The following TBC1D22A variants were observed in gnomAD, a reference collection of about 807,000 sequenced individuals.
The protein encoded by TBC1D22A is TBC1 domain family member 22A, also known as putative GTPase activator.
A neutral mutation model predicts 60.2 loss-of-function variants in TBC1D22A; 38 were observed. The ratio of observed to expected loss-of-function variants is 0.63; its 90% CI spans 0.49 to 0.83. The LOEUF is 0.83. Among genes scored for constraint, TBC1D22A ranks in the 40% least tolerant of loss-of-function variants. TBC1D22A has a pLI of 0.00. For missense variants in TBC1D22A, 628 were observed against 701.0 expected, an observed-to-expected ratio of 0.90 and a Z score of 1.18; for synonymous variants, 302 against 281.7, an observed-to-expected ratio of 1.07 and a Z score of -0.72.
At chr22:46,771,737 G>C (rs2083487250) in intron 1 of TBC1D22A, among the ~76,000 whole-genome samples, 1 of 152,010 alleles carries the variant, frequency 6.6e-6, no homozygotes, top group Non-Finnish European at 1.5e-5. Context: ...TGGGATTATA[G>C]GCACATGCCA....
chr22:46,886,190 C>T (rs568305779), intron 5 of TBC1D22A, among the ~76,000 whole-genome samples: 15 of 152,270 alleles, frequency 9.9e-5, no homozygotes, highest in Non-Finnish European at 1.5e-4. Flanking sequence ...TGAGCCGCCG[C>T]GCCCGGCCAG....
chr22:46,911,958 T>G (rs1445228213), intron 7 of TBC1D22A, 116 bp from the exon 8 acceptor site: 4 of 683,564 alleles, frequency 5.9e-6, no homozygotes, highest in East Asian at 2.7e-5. Context: ...TATTTGTATC[T>G]TAATATTAGG....
chr22:47,135,858 G>A (rs2066848573), intron 12 of TBC1D22A, among the ~76,000 whole-genome samples: 8 of 152,324 alleles, frequency 5.3e-5, no homozygotes, highest in Admixed American at 5.2e-4. Flanking sequence ...CACACGTGGT[G>A]AGGTCACTGT....
intron 1 of TBC1D22A, among the ~76,000 whole-genome samples, chr22:46,785,751 G>A (rs1182475236): frequency 6.6e-6 from 1 of 152,178 alleles, no homozygotes; most frequent in Non-Finnish European, 1.5e-5. Context: ...ATATTTTCAA[G>A]ATTGATCTAC....
chr22:47,076,933 C>T (rs1003973929), intron 11 of TBC1D22A, among the ~76,000 whole-genome samples: 5 of 152,190 alleles, frequency 3.3e-5, no homozygotes, highest in Admixed American at 1.3e-4. Flanking sequence ...GAGTTCCAGC[C>T]GTCATGTCAG....
At position 47,145,169 on chromosome 22, in the gene TBC1D22A, T is replaced by G. The variant is rs558090622; in HGVS notation, c.1426-28329T>G. Among the ~76,000 whole-genome samples the G allele has an allele frequency of 2.0e-5, 3 of 152,318 alleles. No homozygotes were observed. The South Asian group carries it at 6.2e-4, about 32-fold the overall frequency. ...GTGAGGTGCCAGGAGGTGGATGACC[T>G]AGACCTAGCCCTGGATCCCCACCTG... On this transcript the variant is annotated intron_variant, in intron 12 of 12. Transcript: ENST00000337137.
At chr22:46,911,156 G>A (rs1327793920) in intron 7 of TBC1D22A, among the ~76,000 whole-genome samples, 2 of 152,108 alleles carry the variant, frequency 1.3e-5, no homozygotes, top group African/African-American at 2.4e-5. Context: ...TATGAGTGAA[G>A]ATGGGAGCGA....
chr22:47,173,136 G>A (rs1470519064), intron 12 of TBC1D22A, among the ~76,000 whole-genome samples: 1 of 152,242 alleles, frequency 6.6e-6, no homozygotes, highest in Non-Finnish European at 1.5e-5. Flanking sequence ...TCAGTTAAAT[G>A]AAGCTCTGGG....
chr22:46,778,901 G>A (rs974280612), intron 1 of TBC1D22A, among the ~76,000 whole-genome samples: 13 of 152,028 alleles, frequency 8.6e-5, no homozygotes, highest in African/African-American at 3.1e-4. Context: ...AAAATTAGCC[G>A]GGCGTGGTGG....
intron 4 of TBC1D22A, among the ~76,000 whole-genome samples, chr22:46,801,373 A>G (rs2084888617): frequency 6.6e-6 from 1 of 152,268 alleles, no homozygotes; most frequent in African/African-American, 2.4e-5. Context: ...CACTGATGTG[A>G]GAAGTGCCTA....
chr22:47,027,845 A>T (rs752474217), intron 10 of TBC1D22A, among the ~76,000 whole-genome samples: 1 of 152,238 alleles, frequency 6.6e-6, no homozygotes, highest in African/African-American at 2.4e-5. Flanking sequence ...GGGCTGCGAC[A>T]GAGCCTAGGG....
chr22:46,850,231 G>C (rs1022328902), intron 4 of TBC1D22A, among the ~76,000 whole-genome samples: 1 of 152,172 alleles, frequency 6.6e-6, no homozygotes, highest in African/African-American at 2.4e-5. Flanking sequence ...CAGGAGACAG[G>C]CTGCTGTGTG....
intron 9 of TBC1D22A, among the ~76,000 whole-genome samples, chr22:46,981,628 TCTC>T (rs1416396132): frequency 3.3e-5 from 5 of 152,170 alleles, no homozygotes; most frequent in African/African-American, 4.8e-5. Flanking sequence ...GCTCAGTACT[TCTC>T]CTCCCTGCTG....
chr22:46,873,222 T>C (rs565909709), intron 4 of TBC1D22A, among the ~76,000 whole-genome samples: 3 of 152,178 alleles, frequency 2.0e-5, no homozygotes, highest in Admixed American at 6.5e-5. Flanking sequence ...CAATAAAATA[T>C]GGGTAAAGGA....
intron 11 of TBC1D22A, among the ~76,000 whole-genome samples, chr22:47,046,456 C>T (rs375195749): frequency 3.3e-5 from 5 of 152,136 alleles, no homozygotes; most frequent in Admixed American, 6.5e-5. Context: ...GCTGGGGGAG[C>T]GCCCAGGGAC....
chr22:46,912,023 G>C lies in TBC1D22A; in HGVS notation c.901-51G>C, dbSNP rs16995963. The stretch of plus-strand genomic sequence containing the variant: ...AGTAATAGAATGCTTTCATTTTAAA[G>C]TTTCTGCCATGTTTACTTTTTGCTT... On this transcript the variant is annotated intron_variant, in intron 7 of 12. Transcript: ENST00000337137. The C allele has an allele frequency of 4.9e-4, 621 of 1,273,906 alleles. No individual in the cohort carries two copies. In the African/African-American group the frequency reaches 8.6e-3, roughly 18 times the overall value. 78.9% of individuals were successfully genotyped at this position (1,273,906 alleles called of 1,614,324 possible).
intron 1 of TBC1D22A, among the ~76,000 whole-genome samples, chr22:46,775,240 G>C (rs1027807644): frequency 6.6e-6 from 1 of 152,194 alleles, no homozygotes; most frequent in African/African-American, 2.4e-5. Flanking sequence ...CGCTGCCCTT[G>C]TTTTCACGTG....
intron 12 of TBC1D22A, among the ~76,000 whole-genome samples, chr22:47,166,236 T>G (rs2068205520): frequency 1.3e-5 from 2 of 152,068 alleles, no homozygotes; most frequent in Non-Finnish European, 1.5e-5. Flanking sequence ...CACTGGTCAG[T>G]GCTGCCAGCA....
intron 4 of TBC1D22A, among the ~76,000 whole-genome samples, chr22:46,808,208 AT>A (rs2085230978): frequency 6.6e-6 from 1 of 152,058 alleles, no homozygotes; most frequent in Non-Finnish European, 1.5e-5. Context: ...AAATACAAAA[AT>A]TAGCCGGGCG....
Sources: gnomAD v4.1 joint callset for allele counts (sites outside exome capture counted in the v4.1 genomes callset) on GRCh38, gnomAD v4.1.1 for gene constraint, MANE v1.5 for transcripts, NCBI Gene and HGNC (gene_info 2026-07-23, HGNC 2026-07-21) for gene names.